CPS1: variants seen among roughly 807,000 people sequenced by gnomAD.
The protein encoded by CPS1 is carbamoyl-phosphate synthase [ammonia], mitochondrial.
In CPS1, 109 loss-of-function variants were observed where a neutral mutation model predicts 174.6. The observed-to-expected ratio is 0.62, with a 90% CI of 0.53 to 0.73. The LOEUF (loss-of-function observed/expected upper bound fraction) is 0.73. CPS1 is among the 30% of genes least tolerant of loss of function. The pLI, the probability that CPS1 is intolerant of heterozygous loss-of-function variation, is 0.00. For missense variants in CPS1, 1,689 were observed against 1,821.9 expected, an observed-to-expected ratio of 0.93 and a Z score of 1.33; for synonymous variants, 637 against 632.0, an observed-to-expected ratio of 1.01 and a Z score of -0.12.
intron 24 of CPS1, among the ~76,000 whole-genome samples, 187 bp from the exon 25 acceptor site, chr2:210,642,297 C>T (rs1700249844): frequency 6.6e-6 from 1 of 152,118 alleles, no homozygotes; most frequent in Admixed American, 6.6e-5. Context: ...TTAATTAGTA[C>T]CCATTTTTCC....
Position 210,616,356 on chromosome 2 carries a change from A to G in CPS1, c.2569-67A>G. ...ACACACAGAGGCATGACTGCTATGT[A>G]TTTTAAACCAAATAAGACATTTAGA... On this transcript the variant is annotated intron_variant, in intron 20 of 37. Coordinates refer to ENST00000233072, the MANE Select transcript of CPS1 (RefSeq NM_001875.5). The G allele has an allele frequency of 3.6e-6, 4 of 1,109,886 alleles. No individual in the cohort carries two copies. The South Asian group carries it at 5.0e-5, about 14-fold the overall frequency. The allele number at this position is 1,109,886 out of a possible 1,614,324, so 68.8% of individuals were successfully genotyped here. A position where few individuals can be genotyped will look rare whatever the true frequency, so the allele number is the denominator to read the frequency against.
chr2:210,504,457 T>C (rs1351442558), intron 1 of CPS1, among the ~76,000 whole-genome samples: 1 of 152,264 alleles, frequency 6.6e-6, no homozygotes, highest in African/African-American at 2.4e-5. Flanking sequence ...ATCAGTGTCA[T>C]GAGCTAGGTC....
chr2:210,546,627 AAT>A (rs1014399431), intron 1 of CPS1, among the ~76,000 whole-genome samples: 1 of 152,086 alleles, frequency 6.6e-6, no homozygotes, highest in African/African-American at 2.4e-5. Flanking sequence ...CATCAGATAA[AAT>A]ATTGCATCAT....
intron 1 of CPS1, among the ~76,000 whole-genome samples, chr2:210,484,241 G>C (rs1348208753): frequency 1.3e-5 from 2 of 152,120 alleles, no homozygotes; most frequent in Non-Finnish European, 2.9e-5. Context: ...AGATGGAAGG[G>C]TCAACCTGTG....
At chr2:210,661,541 G>T (rs1008047041) in intron 32 of CPS1, among the ~76,000 whole-genome samples, 1 of 152,122 alleles carries the variant, frequency 6.6e-6, no homozygotes, top group Admixed American at 6.5e-5. Context: ...TGACTTTTAT[G>T]ATGGGAACTT....
intron 1 of CPS1, among the ~76,000 whole-genome samples, chr2:210,541,457 T>C (rs1696423913): frequency 6.6e-6 from 1 of 152,184 alleles, no homozygotes; most frequent in South Asian, 2.1e-4. Context: ...CAGTACACTC[T>C]GTACAGCAGC....
At chr2:210,510,214 A>G (rs1179242987) in intron 1 of CPS1, among the ~76,000 whole-genome samples, 3 of 152,222 alleles carry the variant, frequency 2.0e-5, no homozygotes, top group Non-Finnish European at 4.4e-5. Context: ...GCCCTCAGAA[A>G]TAATGCCACG....
intron 1 of CPS1, among the ~76,000 whole-genome samples, chr2:210,522,323 T>A (rs1695848481): frequency 6.6e-6 from 1 of 152,056 alleles, no homozygotes; most frequent in Non-Finnish European, 1.5e-5. Flanking sequence ...TTTGATAAAG[T>A]CCAATTTATC....
intron 1 of CPS1, among the ~76,000 whole-genome samples, chr2:210,525,690 G>T (rs770991079): frequency 1.3e-5 from 2 of 151,528 alleles, no homozygotes; most frequent in Non-Finnish European, 2.9e-5. Context: ...GTTTGGAGAT[G>T]TCATACCAGT....
At chr2:210,601,213 T>G (rs1698713883) in intron 15 of CPS1, among the ~76,000 whole-genome samples, 1 of 151,980 alleles carries the variant, frequency 6.6e-6, no homozygotes, top group Non-Finnish European at 1.5e-5. Context: ...GTTATTTATT[T>G]CCATTGCCCC....
intron 1 of CPS1, among the ~76,000 whole-genome samples, chr2:210,482,232 G>C (rs996208940): frequency 4.6e-5 from 7 of 152,052 alleles, no homozygotes; most frequent in African/African-American, 1.7e-4. Flanking sequence ...CAGATTCCCA[G>C]ACCTCAGGAG....
At chr2:210,634,018 C>T (rs1193346437) in intron 21 of CPS1, among the ~76,000 whole-genome samples, 1 of 152,198 alleles carries the variant, frequency 6.6e-6, no homozygotes, top group Non-Finnish European at 1.5e-5. Context: ...TTGTCAAGCA[C>T]TTCCACCGAA....
chr2:210,596,838 A>G (rs946483744), intron 13 of CPS1, among the ~76,000 whole-genome samples: 2 of 151,880 alleles, frequency 1.3e-5, no homozygotes, highest in Non-Finnish European at 2.9e-5. Flanking sequence ...TTTTACATCA[A>G]TTGGGTAAAG....
intron 1 of CPS1, among the ~76,000 whole-genome samples, chr2:210,494,977 A>G (rs1049365212): frequency 6.6e-6 from 1 of 152,158 alleles, no homozygotes; most frequent in Non-Finnish European, 1.5e-5. Flanking sequence ...AAAACATACC[A>G]ATTAAATTAG....
At chr2:210,581,085 C>T (rs549942278) in intron 5 of CPS1, among the ~76,000 whole-genome samples, 10 of 152,018 alleles carry the variant, frequency 6.6e-5, no homozygotes, top group South Asian at 2.1e-4. Context: ...CACTCTACCA[C>T]GATTTTCCTG....
In CPS1 at chr2:210,616,514, T is replaced by C. The variant is rs1045766437; in HGVS notation, c.2660T>C (p.Met887Thr). The C allele has an allele frequency of 2.5e-6, 4 of 1,610,090 alleles. No individual in the cohort carries two copies. The highest frequency in any genetic ancestry group is 3.4e-6 in the Non-Finnish European group (4 of 1,176,882). ...FLYKMRDILN[M>T]EKTLKGLNSE... Reference sequence around the variant, plus strand: ...TATAAGATGCGTGATATTTTAAACATGGAAAAGACACTGAAAGGCCTCAAC... The same window carrying C: ...TATAAGATGCGTGATATTTTAAACACGGAAAAGACACTGAAAGGCCTCAAC... Residue 887 changes from methionine (M) to threonine (T), a missense_variant, in exon 21 of 38, where the codon ATG becomes ACG. Physicochemically the swap from Met to Thr is moderately conservative, Grantham distance 81. Transcript: ENST00000233072.
intron 20 of CPS1, among the ~76,000 whole-genome samples, chr2:210,616,168 C>A (rs749424140): frequency 5.3e-5 from 8 of 151,828 alleles, no homozygotes; most frequent in Non-Finnish European, 1.0e-4. Context: ...GAGTCAAAAC[C>A]TGTTAGGAGA....
intron 1 of CPS1, among the ~76,000 whole-genome samples, chr2:210,521,241 A>AT (rs1044258794): frequency 7.2e-5 from 11 of 151,894 alleles, no homozygotes; most frequent in African/African-American, 2.7e-4. Context: ...AGATTGACAG[A>AT]TTTTTTTCTA....
At position 210,486,057 on chromosome 2, in the gene CPS1, A is replaced by AAT. The variant is rs745442748; in HGVS notation, c.3+8302_3+8303dup. Among the ~76,000 whole-genome samples the AAT allele has an allele frequency of 1.8e-4, 27 of 148,186 alleles. 1 individual carries two copies. The highest frequency in any genetic ancestry group is 2.5e-4 in the Non-Finnish European group (17 of 67,160). ...TTTTTTAATGCTTATTTGCCAGCCA[A>AAT]ATATATATATATGTATATATATGTG... On this transcript the variant is annotated intron_variant, in intron 1 of 38. Coordinates refer to the CPS1 transcript ENST00000430249.
Sources: allele counts gnomAD v4.1 joint callset (sites outside exome capture counted in the v4.1 genomes callset), GRCh38; gene constraint gnomAD v4.1.1; transcripts MANE v1.5; gene names NCBI Gene and HGNC (gene_info 2026-07-23, HGNC 2026-07-21).